SLC7A3: variants seen among roughly 807,000 people sequenced by gnomAD.
The protein encoded by SLC7A3 is cationic amino acid transporter 3.
SLC7A3 carries 3 observed loss-of-function variants against 33.2 expected under a neutral mutation model. The ratio of observed to expected loss-of-function variants is 0.09; its 90% CI spans 0.04 to 0.23. SLC7A3 has a LOEUF of 0.23. SLC7A3 is among the 10% of genes least tolerant of loss of function. SLC7A3 has a pLI of 1.00. For synonymous variants in SLC7A3, 193 were observed against 195.1 expected (o/e 0.99, Z 0.09); for missense variants, 360 against 488.8 (o/e 0.74, Z 2.48).
At chrX:70,929,371 G>A (rs1245755926) in intron 2 of SLC7A3, among the ~76,000 whole-genome samples, 1 of 111,666 alleles carries the variant, frequency 9.0e-6, no homozygotes, top group Non-Finnish European at 1.9e-5. Flanking sequence ...GATTATAGGC[G>A]TGAGCCACTG....
In SLC7A3 at chrX:70,929,483, ACC is replaced by A. The variant is rs11291509; in HGVS notation, c.370+143_370+144del. ...TGAGCAATTTCTCCACACCTTCAAC[ACC>A]CCCCCCCAGACCCCCAGCAAACCCG... On this transcript the variant is annotated intron_variant, in intron 2 of 11. Transcript: ENST00000374299. The A allele has an allele frequency of 6.4e-3, 3,718 of 582,860 alleles. 96 individuals are homozygous for A. The African/African-American group carries it at 0.073, about 11-fold the overall frequency. The allele number at this position is 582,860 out of a possible 1,213,427, so 48.0% of individuals were successfully genotyped here. A position where few individuals can be genotyped will look rare whatever the true frequency, so the allele number is the denominator to read the frequency against.
At position 70,927,859 on chromosome X, in the gene SLC7A3, T is replaced by C. The variant is rs779257975; in HGVS notation, c.982A>G (p.Ile328Val). The change falls in exon 6 of 12, where the codon ATT becomes GTT. Residue 328 changes from isoleucine (I) to valine (V), a missense_variant. Transcript: ENST00000374299. ...ACATAGCGGGCAGGAGCCCATCCAA[T>C]GTAGAGAAATGCCTCAGGCAAAGGG... ...ESPLPEAFLYIGWAPARYVVA... is the reference protein window; with the variant it reads ...ESPLPEAFLYVGWAPARYVVA... 5 of 1,199,185 alleles carry C rather than the reference T, an allele frequency of 4.2e-6. No homozygotes were observed. In the East Asian group the frequency reaches 1.5e-4, roughly 36 times the overall value.
chrX:70,930,337 G>A lies in SLC7A3; in HGVS notation c.-25-315C>T, dbSNP rs756194439. On this transcript the variant is annotated intron_variant, in intron 1 of 11. Transcript: ENST00000374299. ...TCTTTCTCTTGCCAGAAACTGATAG[G>A]GTTTATCCTAATCTCAACCCAGGAA... 3.8e-4 allele frequency among the ~76,000 whole-genome samples: 42 copies of A among 111,588 alleles called. 1 individual carries two copies. Among genetic ancestry groups the A allele is most frequent in the African/African-American group, 1.2e-3 (37 of 30,716 alleles).
At chrX:70,927,084 T>C in intron 8 of SLC7A3, 43 bp from the exon 9 acceptor site, 1 of 1,172,065 alleles carries the variant, frequency 8.5e-7, no homozygotes. Context: ...CAACCTTTAC[T>C]CACTTTATCA....
chrX:70,927,445 G>A, intron 7 of SLC7A3, 39 bp downstream of exon 7: 1 of 1,210,574 alleles, frequency 8.3e-7, no homozygotes, highest in African/African-American at 1.7e-5. Flanking sequence ...TAAAGAAGTT[G>A]GCGAAACAAC....
Position 70,928,527 on chromosome X carries a change from C to A in SLC7A3, c.636G>T (p.Gly212=), listed in dbSNP as rs1324329863. 1 of 1,206,096 alleles carries A rather than the reference C, an allele frequency of 8.3e-7. No homozygotes were observed. Among genetic ancestry groups the A allele is most frequent in the Non-Finnish European group, 1.1e-6 (1 of 892,695 alleles). Residue 212 remains glycine, a synonymous_variant, in exon 4 of 12, where the codon GGG becomes GGT. Coordinates refer to ENST00000374299, the MANE Select transcript of SLC7A3 (RefSeq NM_032803.6). Reference sequence around the variant, plus strand: ...CTGTGAGCTTCCAGTTGTGCACGTCCCCCTTAACGAAGCCAGAGATCATGA... The same window carrying A: ...CTGTGAGCTTCCAGTTGTGCACGTCACCCTTAACGAAGCCAGAGATCATGA... ...GFVMISGFVK[G]DVHNWKLTEE...
rs141540446 is a variant in SLC7A3 at position 70,928,875 on chromosome X, G to T, written c.498C>A (p.Phe166Leu). 1 of 1,211,282 alleles carries T rather than the reference G, an allele frequency of 8.3e-7. No homozygotes were observed. Among genetic ancestry groups the T allele is most frequent in the Non-Finnish European group, 1.1e-6 (1 of 895,496 alleles). The change falls in exon 3 of 12, where the codon TTC becomes TTA. Residue 166 changes from phenylalanine to leucine, a missense_variant. Coordinates refer to ENST00000374299, the MANE Select transcript of SLC7A3 (RefSeq NM_032803.6). ...VPHVLAEYPD[F>L]FALGLVLLLT... ...GCAGCAACACGAGGCCCAAAGCAAA[G>T]AAATCTGGATATTCTGCAAGGACAT...
At chrX:70,929,583 C>G in intron 2 of SLC7A3, 45 bp downstream of exon 2, 1 of 1,165,375 alleles carries the variant, frequency 8.6e-7, no homozygotes, top group Non-Finnish European at 1.1e-6. Context: ...ACCAAAAACC[C>G]CTTTGCTGGC....
chrX:70,929,967 G>T lies in SLC7A3; in HGVS notation c.31C>A (p.Gln11Lys). 8.3e-7 allele frequency: 1 copy of T among 1,201,587 alleles called. No homozygotes were observed. Among genetic ancestry groups the T allele is most frequent in the South Asian group, 1.8e-5 (1 of 56,092 alleles). The change falls in exon 2 of 12, where the codon CAA becomes AAA. Residue 11 changes from glutamine to lysine, a missense_variant. Gln to Lys is a moderately conservative substitution (Grantham distance 53). Transcript: ENST00000374299. The part of the protein sequence containing the change: MPWQAFRRFG[Q>K]KLVRRRTLES... The stretch of plus-strand genomic sequence containing the variant: ...AGTGTACGTCTGCGTACCAGCTTTT[G>T]ACCAAATCTGCGAAATGCTTGCCAC...
At chrX:70,928,077 C>G in intron 5 of SLC7A3, 57 bp from the exon 6 acceptor site, 1 of 1,186,790 alleles carries the variant, frequency 8.4e-7, no homozygotes, top group Non-Finnish European at 1.1e-6. Flanking sequence ...CTCTACCACC[C>G]CCAGTCTGCA....
intron 4 of SLC7A3, 92 bp downstream of exon 4, chrX:70,928,364 T>C (rs2091902089): frequency 9.1e-7 from 1 of 1,104,333 alleles, no homozygotes; most frequent in African/African-American, 1.8e-5. Flanking sequence ...CAGCCTCCCA[T>C]TTTTTCCCAT....
chrX:70,927,803 A>G lies in SLC7A3; in HGVS notation c.1038T>C (p.Ser346=), dbSNP rs2091900340. The change falls in exon 6 of 12, where the codon TCT becomes TCC. Residue 346 remains serine (S), a synonymous_variant. Coordinates refer to ENST00000374299, the MANE Select transcript of SLC7A3 (RefSeq NM_032803.6). ...VVAVGSLCAL[S]TSLLGSMFPM... ...AACAAACATTTGATACTGACCTGGT[A>G]GAAAGAGCACAGAGGGAGCCAACAG... 1.7e-6 allele frequency: 2 copies of G among 1,177,152 alleles called. No individual in the cohort carries two copies. Among genetic ancestry groups the G allele is most frequent in the African/African-American group, 1.8e-5 (1 of 56,537 alleles).
rs769507776 is a variant in SLC7A3 at position 70,926,498 on chromosome X, G to A, written c.1620+29C>T. On this transcript the variant is annotated intron_variant, in intron 10 of 11. Transcript: ENST00000374299. ...GGAGCCTATTCTCCCAAGATGGGCT[G>A]GCAAGGAAAAAAGACAGAGTTCATT... 6 of 1,176,112 alleles carry A rather than the reference G, an allele frequency of 5.1e-6. No individual in the cohort carries two copies. In the African/African-American group the frequency reaches 8.9e-5, roughly 17 times the overall value.
chrX:70,930,116 C>A, intron 1 of SLC7A3, 94 bp from the exon 2 acceptor site: 1 of 921,931 alleles, frequency 1.1e-6, no homozygotes, highest in Non-Finnish European at 1.5e-6. Context: ...AGCAAAGGAG[C>A]TATTGGGAAA....
rs747183294 is a variant in SLC7A3, at chrX:70,927,061, G to A, written c.1287-20C>T. 35 of 1,193,483 alleles carry A rather than the reference G, an allele frequency of 2.9e-5. No individual in the cohort carries two copies. The highest frequency in any genetic ancestry group is 4.6e-5 in the Admixed American group (2 of 43,845). On this transcript the variant is annotated intron_variant, in intron 8 of 11. Transcript: ENST00000374299. Reference sequence around the variant, plus strand: ...TGATACCTGAGGCAAAAGTAAGATGGCAGTATTAAGAACAACCTTTACTCA... The same window carrying A: ...TGATACCTGAGGCAAAAGTAAGATGACAGTATTAAGAACAACCTTTACTCA...
rs368919033 is a variant in SLC7A3, at chrX:70,930,037, G to C, written c.-25-15C>G. ...AAGAAGATGATCTGGTGAAAAACAA[G>C]ACAAAAACCCCTCGACAGGGCTCAT... On this transcript the variant is annotated splice_polypyrimidine_tract_variant and intron_variant, in intron 1 of 11. Coordinates refer to ENST00000374299, the MANE Select transcript of SLC7A3 (RefSeq NM_032803.6). 8.6e-7 allele frequency: 1 copy of C among 1,165,445 alleles called. No homozygotes were observed. The highest frequency in any genetic ancestry group is 1.8e-5 in the African/African-American group (1 of 55,866).
chrX:70,928,616 C>A lies in SLC7A3; in HGVS notation c.547G>T (p.Ala183Ser), dbSNP rs2091903009. The change falls in exon 4 of 12, where the codon GCT becomes TCT. Residue 183 changes from alanine (A) to serine (S), a missense_variant. Physicochemically the swap from Ala to Ser is moderately conservative, Grantham distance 99 (BLOSUM62 1). Transcript: ENST00000374299. Reference protein sequence around the residue: ...LLLTGLLALGASESALVTKVF... With the variant: ...LLLTGLLALGSSESALVTKVF... Reference sequence around the variant, plus strand: ...TTGGTAACCAGGGCCGACTCACTAGCCCCGAGAGCCAACAATCCTGTGGGA... The same window carrying A: ...TTGGTAACCAGGGCCGACTCACTAGACCCGAGAGCCAACAATCCTGTGGGA... 1 of 1,202,946 alleles carries A rather than the reference C, an allele frequency of 8.3e-7. No homozygotes were observed. Among genetic ancestry groups the A allele is most frequent in the South Asian group, 1.8e-5 (1 of 55,055 alleles).
chrX:70,926,939 G>T lies in SLC7A3; in HGVS notation c.1389C>A (p.Phe463Leu). 8.3e-7 allele frequency: 1 copy of T among 1,211,022 alleles called. No homozygotes were observed. The highest frequency in any genetic ancestry group is 1.1e-6 in the Non-Finnish European group (1 of 895,321). ...GTGGAGTGGGGATGGAGTTGAGTGG[G>T]AAAAATAGTCCCCATAGGGTCAACT... is the stretch of plus-strand genomic sequence containing the variant. ...SEKLTLWGLF[F>L]PLNSIPTPLS... Residue 463 changes from phenylalanine (F) to leucine (L), a missense_variant, in exon 9 of 12, where the codon TTC becomes TTA. Transcript: ENST00000374299.
rs375208795 is a variant in SLC7A3, at chrX:70,930,635, A to C, written c.-26+342T>G. ...CCCAAGCCCTGCTAGGCTGACCTGC[A>C]AGCATCAACAGCGAGGCGGGGCTTC... On this transcript the variant is annotated intron_variant, in intron 1 of 11. Coordinates refer to ENST00000374299, the MANE Select transcript of SLC7A3 (RefSeq NM_032803.6). 2.7e-5 allele frequency among the ~76,000 whole-genome samples: 3 copies of C among 112,403 alleles called. No individual in the cohort carries two copies. The South Asian group carries it at 1.1e-3, about 41-fold the overall frequency.
Sources: gnomAD v4.1 joint callset for allele counts (sites outside exome capture counted in the v4.1 genomes callset) on GRCh38, gnomAD v4.1.1 for gene constraint, MANE v1.5 for transcripts, NCBI Gene and HGNC (gene_info 2026-07-23, HGNC 2026-07-21) for gene names.